The following GPHN variants were observed in gnomAD, a reference collection of about 807,000 sequenced individuals.
GPHN encodes the protein gephyrin.
GPHN carries 17 observed loss-of-function variants against 95.5 expected under a neutral mutation model. That is an observed-to-expected ratio of 0.18 (90% CI 0.12 to 0.27). The LOEUF is 0.27. GPHN is among the 10% of genes least tolerant of loss of function. The pLI is 1.00. For synonymous variants in GPHN, 320 were observed against 322.5 expected (o/e 0.99, Z 0.08); for missense variants, 660 against 978.1 (o/e 0.67, Z 4.34).
At chr14:66,750,677 G>C (rs1171168471) in intron 2 of GPHN, among the ~76,000 whole-genome samples, 1 of 151,868 alleles carries the variant, frequency 6.6e-6, no homozygotes, top group Non-Finnish European at 1.5e-5. Context: ...AAAATTCTAA[G>C]TATCACTGGC....
At chr14:67,624,315 A>G in the GPHN span, among the ~76,000 whole-genome samples, 2 of 152,220 alleles carry the variant, frequency 1.3e-5, no homozygotes, top group Non-Finnish European at 2.9e-5. Flanking sequence ...ACCATTGAAA[A>G]TGGTGGCATA....
the GPHN span, chr14:67,577,919 G>T: frequency 9.5e-7 from 1 of 1,051,006 alleles, no homozygotes. Context: ...AGGGCTGTCA[G>T]TAAACTCTAA....
At position 66,845,885 on chromosome 14, in the gene GPHN, G is replaced by A. The variant is rs1034428232; in HGVS notation, c.294+21319G>A. 4.6e-5 allele frequency among the ~76,000 whole-genome samples: 7 copies of A among 151,962 alleles called. No homozygotes were observed. The South Asian group carries it at 1.0e-3, about 23-fold the overall frequency. On this transcript the variant is annotated intron_variant, in intron 4 of 22. Transcript: ENST00000478722. ...TCTGTGTGCGTGCGCACACGTGAAC[G>A]TGTGTCTGTGTGTGTGTTTTAATCC...
At chr14:66,820,126 A>G (rs545705466) in intron 3 of GPHN, among the ~76,000 whole-genome samples, 2 of 152,274 alleles carry the variant, frequency 1.3e-5, no homozygotes, top group East Asian at 1.9e-4. Context: ...AATCCTTGCT[A>G]TGAAAGATAA....
At chr14:66,630,858 A>G (rs1173990781) in intron 1 of GPHN, among the ~76,000 whole-genome samples, 1 of 152,020 alleles carries the variant, frequency 6.6e-6, no homozygotes, top group East Asian at 1.9e-4. Flanking sequence ...TCCTATGTTG[A>G]CTTGATCATA....
intron 11 of GPHN, among the ~76,000 whole-genome samples, chr14:67,077,888 T>TC (rs1343856102): frequency 6.6e-6 from 1 of 152,166 alleles, no homozygotes; most frequent in Non-Finnish European, 1.5e-5. Context: ...TTTCTTCTTG[T>TC]CTACCGCCTG....
chr14:67,173,439 C>T (rs2082713482), intron 21 of GPHN, among the ~76,000 whole-genome samples: 1 of 152,154 alleles, frequency 6.6e-6, no homozygotes, highest in Non-Finnish European at 1.5e-5. Context: ...ACTGAGGCAC[C>T]CACAGTTACT....
In GPHN at chr14:67,144,343, A is replaced by C. The variant is rs2080771488; in HGVS notation, c.1836+894A>C. On this transcript the variant is annotated intron_variant, in intron 18 of 22. Coordinates refer to ENST00000478722, the MANE Select transcript of GPHN (RefSeq NM_020806.5). ...CTAAGTGTATTTGTAGATGGTATAT[A>C]CTTGTTCCTATAAAGACCACAATTT... 4.8e-5 allele frequency among the ~76,000 whole-genome samples: 7 copies of C among 145,340 alleles called. No homozygotes were observed. The South Asian group carries it at 1.5e-3, about 32-fold the overall frequency.
At chr14:67,153,271 C>T (rs1051425806) in intron 18 of GPHN, among the ~76,000 whole-genome samples, 1 of 152,184 alleles carries the variant, frequency 6.6e-6, no homozygotes, top group Non-Finnish European at 1.5e-5. Context: ...CAAAATGAGA[C>T]CCTGTCTCAA....
At chr14:67,072,145 A>G (rs1031623416) in intron 11 of GPHN, among the ~76,000 whole-genome samples, 2 of 152,190 alleles carry the variant, frequency 1.3e-5, no homozygotes, top group Middle Eastern at 3.2e-3. Context: ...ATAGAATTAC[A>G]TGAGGATTCA....
the GPHN span, chr14:67,241,136 G>T: frequency 2.6e-5 from 4 of 152,208 alleles, no homozygotes; most frequent in African/African-American, 7.2e-5. Flanking sequence ...GCGCGACTGC[G>T]CGCACCCGGC....
chr14:67,421,839 A>G, the GPHN span, among the ~76,000 whole-genome samples: 1 of 152,050 alleles, frequency 6.6e-6, no homozygotes, highest in Non-Finnish European at 1.5e-5. Flanking sequence ...CCTTATCTCC[A>G]CTGCCACTTC....
At chr14:67,277,600 G>GA in the GPHN span, among the ~76,000 whole-genome samples, 186 of 145,014 alleles carry the variant, frequency 1.3e-3, 1 homozygote, top group South Asian at 5.3e-3. Context: ...GCTCTTGAGT[G>GA]AAAAAAAAAA....
chr14:66,945,437 CA>C (rs1181308829), intron 8 of GPHN, among the ~76,000 whole-genome samples: 1 of 152,074 alleles, frequency 6.6e-6, no homozygotes, highest in Non-Finnish European at 1.5e-5. Flanking sequence ...GATACAAAGG[CA>C]TAAGAATTAT....
chr14:67,007,595 A>G (rs1476475343), intron 9 of GPHN, among the ~76,000 whole-genome samples: 4 of 152,250 alleles, frequency 2.6e-5, no homozygotes, highest in Admixed American at 1.3e-4. Flanking sequence ...CCATATGGCA[A>G]AGGTCTCTGT....
the GPHN span, chr14:67,199,580 G>A: frequency 1.4e-5 from 22 of 1,594,504 alleles, no homozygotes; most frequent in South Asian, 8.8e-5. Flanking sequence ...CCCTATCACC[G>A]TATCTTATGC....
chr14:67,511,117 A>T, the GPHN span, among the ~76,000 whole-genome samples: 2 of 152,184 alleles, frequency 1.3e-5, no homozygotes. Context: ...CCAGAAGCTC[A>T]TGTGACAGGG....
At chr14:67,264,708 A>G in the GPHN span, among the ~76,000 whole-genome samples, 1 of 152,214 alleles carries the variant, frequency 6.6e-6, no homozygotes, top group East Asian at 1.9e-4. Context: ...TCTTTTGTCC[A>G]CATTACCTTG....
Position 66,549,941 on chromosome 14 carries a change from C to T in GPHN, c.64+41350C>T, listed in dbSNP as rs116533753. 3.0e-3 allele frequency among the ~76,000 whole-genome samples: 456 copies of T among 152,226 alleles called. 3 individuals carry two copies. The highest frequency in any genetic ancestry group is 0.011 in the African/African-American group (439 of 41,524). On this transcript the variant is annotated intron_variant, in intron 1 of 22. Coordinates refer to ENST00000478722, the MANE Select transcript of GPHN (RefSeq NM_020806.5). ...AAATATTTTAAGCCTATTATTGATA[C>T]CTACTGCTCAGAAAGAAAGCTTTAT...
Sources: gnomAD v4.1 joint callset for allele counts (sites outside exome capture counted in the v4.1 genomes callset) on GRCh38, gnomAD v4.1.1 for gene constraint, MANE v1.5 for transcripts, NCBI Gene and HGNC (gene_info 2026-07-23, HGNC 2026-07-21) for gene names.